DTNB: variants seen among roughly 807,000 people sequenced by gnomAD.
DTNB encodes the protein DTN-B.
Under a neutral mutation model 90.7 loss-of-function variants are expected in DTNB, and 63 were observed. That is an observed-to-expected ratio of 0.69 (90% CI 0.57 to 0.86). The LOEUF is 0.86. Among genes scored for constraint, DTNB ranks in the 40% least tolerant of loss-of-function variants. The pLI, the probability that DTNB is intolerant of heterozygous loss-of-function variation, is 0.00. For missense variants in DTNB, 744 were observed against 807.1 expected, an observed-to-expected ratio of 0.92 and a Z score of 0.95; for synonymous variants, 277 against 286.7, an observed-to-expected ratio of 0.97 and a Z score of 0.34.
At chr2:25,451,711 T>C (rs1178731714) in intron 11 of DTNB, 76 bp from the exon 12 acceptor site, 56 of 1,358,434 alleles carry the variant, frequency 4.1e-5, no homozygotes, top group Non-Finnish European at 5.5e-5. Context: ...AAAGAACAGA[T>C]GGAAGAAAAG....
chr2:25,644,977 A>C (rs1176813407), intron 2 of DTNB, among the ~76,000 whole-genome samples: 1 of 152,254 alleles, frequency 6.6e-6, no homozygotes, highest in African/African-American at 2.4e-5. Context: ...GGAAAAAAAG[A>C]GAAAGCATCC....
chr2:25,416,274 A>G (rs2047904477), intron 16 of DTNB, among the ~76,000 whole-genome samples: 1 of 152,254 alleles, frequency 6.6e-6, no homozygotes, highest in Admixed American at 6.5e-5. Context: ...TGAAGCAAGA[A>G]GGTGGACACT....
intron 8 of DTNB, among the ~76,000 whole-genome samples, chr2:25,537,457 T>C (rs1029952396): frequency 1.6e-4 from 24 of 152,166 alleles, no homozygotes; most frequent in Non-Finnish European, 1.5e-4. Flanking sequence ...TTAAGGCACA[T>C]CAAGGGCAGC....
At chr2:25,459,189 T>C (rs2060538213) in intron 10 of DTNB, among the ~76,000 whole-genome samples, 1 of 152,186 alleles carries the variant, frequency 6.6e-6, no homozygotes, top group Non-Finnish European at 1.5e-5. Context: ...TTTTAATGAA[T>C]ATGTAAAAAT....
At chr2:25,393,686 T>A (rs1386591892) in intron 16 of DTNB, among the ~76,000 whole-genome samples, 1 of 152,010 alleles carries the variant, frequency 6.6e-6, no homozygotes, top group Non-Finnish European at 1.5e-5. Flanking sequence ...TATACCTAAC[T>A]AAGGATATGA....
intron 10 of DTNB, among the ~76,000 whole-genome samples, chr2:25,481,313 G>A (rs565038727): frequency 6.6e-6 from 1 of 151,716 alleles, no homozygotes. Context: ...GCTGAGGCAG[G>A]AGAATCGCTT....
intron 9 of DTNB, chr2:25,497,349 C>G (rs1002519686): frequency 6.6e-6 from 1 of 152,228 alleles, no homozygotes; most frequent in Admixed American, 6.5e-5. Context: ...CTAATGAACC[C>G]GGTCAGCAAT....
At position 25,427,516 on chromosome 2, in the gene DTNB, G is replaced by A. The variant is rs374448659; in HGVS notation, c.1554+19C>T. 1.8e-4 allele frequency: 288 copies of A among 1,612,276 alleles called. No homozygotes were observed. Among genetic ancestry groups the A allele is most frequent in the Admixed American group, 2.5e-4 (15 of 59,932 alleles). ...GGGAGAAGAATGACAAGAACTGAGCGTGGGCCACGGGCTCTTACCTTCAGC... is the reference window on the plus strand; with the variant it reads ...GGGAGAAGAATGACAAGAACTGAGCATGGGCCACGGGCTCTTACCTTCAGC... On this transcript the variant is annotated intron_variant, in intron 15 of 20. Coordinates refer to ENST00000406818, the MANE Select transcript of DTNB (RefSeq NM_021907.5).
chr2:25,577,171 G>A (rs1404570476), intron 7 of DTNB, among the ~76,000 whole-genome samples, 167 bp from the exon 8 acceptor site: 1 of 152,152 alleles, frequency 6.6e-6, no homozygotes, highest in African/African-American at 2.4e-5. Context: ...GCGGTGGCTT[G>A]CCCTTGTAAT....
At chr2:25,445,228 A>G (rs866423729) in intron 12 of DTNB, among the ~76,000 whole-genome samples, 3 of 151,568 alleles carry the variant, frequency 2.0e-5, no homozygotes, top group Non-Finnish European at 1.5e-5. Flanking sequence ...GTTTATTTAT[A>G]CATTTTAATG....
At chr2:25,423,499 T>A (rs1445727883) in intron 15 of DTNB, among the ~76,000 whole-genome samples, 1 of 152,168 alleles carries the variant, frequency 6.6e-6, no homozygotes, top group Admixed American at 6.5e-5. Flanking sequence ...GAACTCTCTG[T>A]GGCATGAAAA....
intron 8 of DTNB, among the ~76,000 whole-genome samples, chr2:25,559,063 T>C (rs1175610645): frequency 3.9e-5 from 6 of 152,194 alleles, no homozygotes; most frequent in Non-Finnish European, 7.3e-5. Flanking sequence ...ATTGCCACAG[T>C]GCCATGATCT....
At chr2:25,420,095 G>T (rs2149801165) in intron 15 of DTNB, among the ~76,000 whole-genome samples, 1 of 152,160 alleles carries the variant, frequency 6.6e-6, no homozygotes, top group Non-Finnish European at 1.5e-5. Context: ...CCACAGCAAT[G>T]CGTTCAATCT....
At chr2:25,661,529 A>C (rs1325315864) in intron 1 of DTNB, among the ~76,000 whole-genome samples, 2 of 152,220 alleles carry the variant, frequency 1.3e-5, no homozygotes, top group African/African-American at 4.8e-5. Context: ...CAGGACAGCG[A>C]TTGCTTTGGG....
At chr2:25,632,879 T>C (rs1241850778) in intron 3 of DTNB, among the ~76,000 whole-genome samples, 1 of 152,214 alleles carries the variant, frequency 6.6e-6, no homozygotes, top group East Asian at 1.9e-4. Flanking sequence ...TGAAAGGTTT[T>C]GCTCTGATAA....
intron 1 of DTNB, among the ~76,000 whole-genome samples, chr2:25,672,079 C>T (rs778990626): frequency 2.0e-5 from 3 of 152,116 alleles, no homozygotes; most frequent in Non-Finnish European, 4.4e-5. Flanking sequence ...AAGGAGCAAG[C>T]TCTTGAAGGC....
intron 16 of DTNB, among the ~76,000 whole-genome samples, chr2:25,418,509 G>C (rs1159220522): frequency 6.6e-6 from 1 of 152,046 alleles, no homozygotes; most frequent in Non-Finnish European, 1.5e-5. Flanking sequence ...GACCAGCCTG[G>C]CCAATATGGT....
Position 25,387,415 on chromosome 2 carries a change from G to A in DTNB, c.1736-37C>T. 6.3e-7 allele frequency: 1 copy of A among 1,595,750 alleles called. No homozygotes were observed. Among genetic ancestry groups the A allele is most frequent in the Non-Finnish European group, 8.6e-7 (1 of 1,165,580 alleles). Reference sequence around the variant, plus strand: ...CAGAGCAGATGGGGATGCCAGGGTGGGTGAGCGTGGAGAAGAGACGGCTGA... The same window carrying A: ...CAGAGCAGATGGGGATGCCAGGGTGAGTGAGCGTGGAGAAGAGACGGCTGA... On this transcript the variant is annotated intron_variant, in intron 17 of 20. Coordinates refer to ENST00000406818, the MANE Select transcript of DTNB (RefSeq NM_021907.5). The surrounding 1 kb of genome is among the most constrained non-coding windows in gnomAD (Gnocchi z 4.5).
chr2:25,379,616 G>C, intron 19 of DTNB: 1 of 352,970 alleles, frequency 2.8e-6, no homozygotes, highest in Non-Finnish European at 5.1e-6. Context: ...CATGAGGGGG[G>C]CAAAGCCCAC....
Sources: allele counts gnomAD v4.1 joint callset (sites outside exome capture counted in the v4.1 genomes callset), GRCh38; gene constraint gnomAD v4.1.1; non-coding constraint Gnocchi (gnomAD v3.1); transcripts MANE v1.5; gene names NCBI Gene and HGNC (gene_info 2026-07-23, HGNC 2026-07-21).